GRM5: variants seen among roughly 807,000 people sequenced by gnomAD.
The protein encoded by GRM5 is glutamate metabotropic receptor 5.
Under a neutral mutation model 83.1 loss-of-function variants are expected in GRM5, and 19 were observed. The ratio of observed to expected loss-of-function variants is 0.23; its 90% CI spans 0.16 to 0.34. The LOEUF (loss-of-function observed/expected upper bound fraction) is 0.34. Among genes scored for constraint, GRM5 ranks in the 10% least tolerant of loss-of-function variants. GRM5 has a pLI of 1.00. For missense variants in GRM5, 1,160 were observed against 1,588.3 expected (o/e 0.73, Z 4.58); for synonymous variants, 675 against 633.6 (o/e 1.07, Z -0.98).
intron 2 of GRM5, among the ~76,000 whole-genome samples, chr11:88,886,784 C>T (rs1054401469): frequency 2.6e-5 from 4 of 152,128 alleles, no homozygotes; most frequent in Non-Finnish European, 5.9e-5. Context: ...CTATTTCATC[C>T]TCTCTGTGTA....
intron 4 of GRM5, among the ~76,000 whole-genome samples, chr11:88,608,756 G>A (rs769824130): frequency 2.0e-5 from 3 of 151,888 alleles, no homozygotes; most frequent in Non-Finnish European, 2.9e-5. Context: ...TCCTGACCTC[G>A]TGATTGGCCC....
rs1177933143 is a variant in GRM5 at position 88,507,305 on chromosome 11, C to A, written c.*1287G>T. On this transcript the variant is annotated 3_prime_UTR_variant, in exon 10 of 10. Transcript: ENST00000305447. Reference sequence around the variant, plus strand: ...TGTGTGGTTAATATTCATTAAGGTTCCTCTTTTTTAGTATTTTGTATTGCT... The same window carrying A: ...TGTGTGGTTAATATTCATTAAGGTTACTCTTTTTTAGTATTTTGTATTGCT... 1 of 152,134 alleles carries A rather than the reference C, an allele frequency of 6.6e-6. No homozygotes were observed. Among genetic ancestry groups the A allele is most frequent in the Non-Finnish European group, 1.5e-5 (1 of 68,018 alleles). The allele number at this position is 152,134 out of a possible 1,614,324, so 9.4% of individuals were successfully genotyped here.
intron 3 of GRM5, among the ~76,000 whole-genome samples, chr11:88,795,302 G>A (rs2135479418): frequency 6.6e-6 from 1 of 152,304 alleles, no homozygotes; most frequent in Non-Finnish European, 1.5e-5. Context: ...CAGATTCACA[G>A]CCCAGTGACC....
At chr11:88,845,658 C>T (rs1185589558) in intron 3 of GRM5, among the ~76,000 whole-genome samples, 2 of 151,738 alleles carry the variant, frequency 1.3e-5, no homozygotes, top group Non-Finnish European at 2.9e-5. Flanking sequence ...TGGTCTTGAT[C>T]TCCTGACTTC....
chr11:88,832,414 C>T (rs1240252191), intron 3 of GRM5, among the ~76,000 whole-genome samples: 2 of 151,716 alleles, frequency 1.3e-5, no homozygotes, highest in Non-Finnish European at 2.9e-5. Context: ...GCCAAGGAAG[C>T]AAAAGACCTT....
chr11:88,534,752 G>T (rs1438236365), intron 8 of GRM5, among the ~76,000 whole-genome samples: 1 of 152,082 alleles, frequency 6.6e-6, no homozygotes, highest in Admixed American at 6.6e-5. Context: ...AGAATAATAT[G>T]GTTTGGCTCT....
At chr11:88,888,109 G>A (rs1035538344) in intron 2 of GRM5, among the ~76,000 whole-genome samples, 7 of 152,116 alleles carry the variant, frequency 4.6e-5, no homozygotes, top group Admixed American at 4.6e-4. Flanking sequence ...CATAATTGAG[G>A]TGATGCCACC....
chr11:88,977,454 G>T (rs1038336977), intron 2 of GRM5, among the ~76,000 whole-genome samples: 1 of 151,898 alleles, frequency 6.6e-6, no homozygotes, highest in Non-Finnish European at 1.5e-5. Context: ...CTTGTGATCC[G>T]CCCACCTCGG....
intron 3 of GRM5, among the ~76,000 whole-genome samples, chr11:88,836,638 T>C (rs1257924232): frequency 6.6e-6 from 1 of 151,878 alleles, no homozygotes; most frequent in African/African-American, 2.4e-5. Flanking sequence ...ATAAAAAATA[T>C]ACAAAAATTA....
chr11:88,548,506 G>A (rs1223247546), intron 8 of GRM5, among the ~76,000 whole-genome samples: 1 of 152,152 alleles, frequency 6.6e-6, no homozygotes, highest in Non-Finnish European at 1.5e-5. Context: ...GAGTGTTTTA[G>A]ATGCAATTCA....
intron 7 of GRM5, among the ~76,000 whole-genome samples, chr11:88,582,611 A>C (rs919003340): frequency 6.6e-6 from 1 of 152,262 alleles, no homozygotes; most frequent in Non-Finnish European, 1.5e-5. Flanking sequence ...AAATTGTAAT[A>C]ATAAACTAAA....
intron 3 of GRM5, among the ~76,000 whole-genome samples, chr11:88,768,238 G>A (rs1344961057): frequency 6.6e-6 from 1 of 151,878 alleles, no homozygotes; most frequent in East Asian, 1.9e-4. Context: ...CATAATATAT[G>A]CATACAATGA....
intron 2 of GRM5, among the ~76,000 whole-genome samples, chr11:88,947,131 G>C (rs981529664): frequency 6.6e-6 from 1 of 152,078 alleles, no homozygotes; most frequent in African/African-American, 2.4e-5. Flanking sequence ...GTAAATGAGA[G>C]GTTGCAATGA....
At chr11:88,794,486 T>C (rs1303016092) in intron 3 of GRM5, among the ~76,000 whole-genome samples, 1 of 152,170 alleles carries the variant, frequency 6.6e-6, no homozygotes, top group Non-Finnish European at 1.5e-5. Flanking sequence ...TATGTGTTTT[T>C]ATTTTTTAAA....
At chr11:88,950,035 T>TA (rs1380734655) in intron 2 of GRM5, among the ~76,000 whole-genome samples, 19 of 151,330 alleles carry the variant, frequency 1.3e-4, no homozygotes, top group Admixed American at 5.3e-4. Context: ...TGGCTAATTT[T>TA]TTTTTTTTTT....
rs116670888 is a variant in GRM5, at chr11:88,939,739, A to G, written c.662-89584T>C. On this transcript the variant is annotated intron_variant, in intron 2 of 9. Coordinates refer to ENST00000305447, the MANE Select transcript of GRM5 (RefSeq NM_001143831.3). Reference sequence around the variant, plus strand: ...AATATGAGCACACCTGACATTTAGTACATAATGAATAAACAAATGTTGAGA... The same window carrying G: ...AATATGAGCACACCTGACATTTAGTGCATAATGAATAAACAAATGTTGAGA... Among the ~76,000 whole-genome samples the G allele has an allele frequency of 1.7e-3, 264 of 151,998 alleles. 1 individual carries two copies. Among genetic ancestry groups the G allele is most frequent in the Middle Eastern group, 0.01 (3 of 294 alleles).
chr11:88,692,350 T>C (rs1008432414), intron 3 of GRM5, among the ~76,000 whole-genome samples: 1 of 152,192 alleles, frequency 6.6e-6, no homozygotes, highest in Non-Finnish European at 1.5e-5. Context: ...TAAAAGCTTA[T>C]TGAATGTTTT....
chr11:88,763,168 T>TA (rs1351752591), intron 3 of GRM5, among the ~76,000 whole-genome samples: 1 of 151,846 alleles, frequency 6.6e-6, no homozygotes, highest in Admixed American at 6.6e-5. Flanking sequence ...CCCCTGAACC[T>TA]AAAATAAAAG....
intron 2 of GRM5, among the ~76,000 whole-genome samples, chr11:88,968,668 CCT>C (rs1939070068): frequency 1.3e-5 from 2 of 151,862 alleles, no homozygotes. Flanking sequence ...AGAGTAAGTC[CCT>C]GTCTCTAAAA....
Sources: gnomAD v4.1 joint callset for allele counts (sites outside exome capture counted in the v4.1 genomes callset) on GRCh38, gnomAD v4.1.1 for gene constraint, MANE v1.5 for transcripts, NCBI Gene and HGNC (gene_info 2026-07-23, HGNC 2026-07-21) for gene names.